CDC42BPA: variants seen among roughly 807,000 people sequenced by gnomAD.
CDC42BPA encodes the protein serine/threonine-protein kinase MRCK alpha.
CDC42BPA carries 80 observed loss-of-function variants against 223.5 expected under a neutral mutation model. The ratio of observed to expected loss-of-function variants is 0.36; its 90% CI spans 0.30 to 0.43. The LOEUF is 0.43. CDC42BPA is among the 20% of genes least tolerant of loss of function. CDC42BPA has a pLI of 1.00. For synonymous variants in CDC42BPA, 694 were observed against 718.6 expected (o/e 0.97, Z 0.55); for missense variants, 1,743 against 2,099.9 (o/e 0.83, Z 3.32).
chr1:227,162,933 T>G (rs867187804), intron 5 of CDC42BPA, among the ~76,000 whole-genome samples: 86 of 145,876 alleles, frequency 5.9e-4, no homozygotes, highest in Middle Eastern at 7.4e-3. Flanking sequence ...TCCAAACATA[T>G]GTGTGTGTTT....
chr1:227,298,475 G>A (rs79020375), intron 1 of CDC42BPA, among the ~76,000 whole-genome samples: 2,942 of 152,096 alleles, frequency 0.019, 37 homozygotes, highest in Middle Eastern at 0.041. Flanking sequence ...TAAAAACTCA[G>A]AAGAAAATTA....
chr1:227,127,592 AAC>A (rs2149493433), intron 11 of CDC42BPA, among the ~76,000 whole-genome samples: 2 of 152,300 alleles, frequency 1.3e-5, no homozygotes, highest in South Asian at 4.1e-4. Flanking sequence ...ATACAACTCT[AAC>A]ACAGACATTC....
intron 35 of CDC42BPA, 93 bp downstream of exon 35, chr1:227,004,901 G>C (rs572411777): frequency 1.1e-6 from 1 of 869,820 alleles, no homozygotes; most frequent in African/African-American, 1.6e-5. Flanking sequence ...ATGGGCACAC[G>C]TAAGTGAAGG....
At chr1:227,111,159 C>A (rs1415279507) in intron 14 of CDC42BPA, among the ~76,000 whole-genome samples, 2 of 152,116 alleles carry the variant, frequency 1.3e-5, no homozygotes, top group African/African-American at 4.8e-5. Flanking sequence ...GAGTATGATT[C>A]TTACATGTTA....
intron 3 of CDC42BPA, among the ~76,000 whole-genome samples, chr1:227,212,115 A>G (rs1674028790): frequency 6.6e-6 from 1 of 151,916 alleles, no homozygotes; most frequent in Non-Finnish European, 1.5e-5. Context: ...TAAAAAAAAA[A>G]ACTAAAAGCA....
intron 1 of CDC42BPA, among the ~76,000 whole-genome samples, chr1:227,277,465 T>G (rs1434589633): frequency 2.0e-5 from 3 of 152,210 alleles, no homozygotes; most frequent in African/African-American, 7.2e-5. Flanking sequence ...GACTACAGAC[T>G]AATCTCTCTG....
chr1:227,060,717 CTTTTTTTTTTTT>C (rs59728048), intron 21 of CDC42BPA, among the ~76,000 whole-genome samples: 1 of 95,452 alleles, frequency 1.0e-5, no homozygotes, highest in Non-Finnish European at 2.0e-5. Context: ...TAAATAGGTA[CTTTTTTTTTTTT>C]TTTTTTTTTT....
intron 17 of CDC42BPA, among the ~76,000 whole-genome samples, chr1:227,079,222 G>A (rs1353151989): frequency 6.6e-6 from 1 of 152,124 alleles, no homozygotes; most frequent in Non-Finnish European, 1.5e-5. Flanking sequence ...TTCATGCAAA[G>A]TGACTTCCTC....
intron 1 of CDC42BPA, among the ~76,000 whole-genome samples, chr1:227,299,043 GAA>G (rs1310635933): frequency 3.3e-5 from 5 of 152,146 alleles, no homozygotes; most frequent in African/African-American, 1.2e-4. Flanking sequence ...TTCTATGAAA[GAA>G]GAGTAAATTT....
Position 227,029,852 on chromosome 1 carries a change from G to A in CDC42BPA, c.3838+556C>T, listed in dbSNP as rs73089712. ...TGTTCCATCTTTAGAAATGCAATCTGGGCTGGGCGCAGTGGCTCATGCTTA... is the reference window on the plus strand; with the variant it reads ...TGTTCCATCTTTAGAAATGCAATCTAGGCTGGGCGCAGTGGCTCATGCTTA... On this transcript the variant is annotated intron_variant, in intron 29 of 36. Transcript: ENST00000366766. Among the ~76,000 whole-genome samples, 1,397 of 152,152 alleles carry A rather than the reference G, an allele frequency of 9.2e-3. 24 individuals are homozygous for A. The highest frequency in any genetic ancestry group is 0.032 in the African/African-American group (1,333 of 41,528).
At chr1:227,253,597 AAAAT>A (rs368265961) in intron 2 of CDC42BPA, among the ~76,000 whole-genome samples, 21,251 of 148,058 alleles carry the variant, frequency 0.14, 1,754 homozygotes, top group Middle Eastern at 0.21. Context: ...CTCCATCTCA[AAAAT>A]AAATAAATAC....
At chr1:227,100,955 T>G in intron 15 of CDC42BPA, 37 bp downstream of exon 15, 1 of 1,257,506 alleles carries the variant, frequency 8.0e-7, no homozygotes, top group South Asian at 1.4e-5. Flanking sequence ...AGGTACTCAG[T>G]AAGTATTTAC....
intron 2 of CDC42BPA, among the ~76,000 whole-genome samples, chr1:227,217,871 G>C (rs1254043436): frequency 6.6e-6 from 1 of 152,072 alleles, no homozygotes; most frequent in Non-Finnish European, 1.5e-5. Flanking sequence ...TTTACCCCTT[G>C]ACATTTTCTA....
At chr1:227,134,782 C>T (rs753824614) in intron 10 of CDC42BPA, among the ~76,000 whole-genome samples, 11 of 152,092 alleles carry the variant, frequency 7.2e-5, no homozygotes, top group Middle Eastern at 3.4e-3. Flanking sequence ...TCTGTGCAAA[C>T]GATACTACAC....
chr1:227,303,007 G>GTTTTT (rs201889285), intron 1 of CDC42BPA, among the ~76,000 whole-genome samples: 1 of 135,016 alleles, frequency 7.4e-6, no homozygotes, highest in African/African-American at 2.8e-5. Flanking sequence ...GTTTTTTTGG[G>GTTTTT]TTTTTTTTTT....
intron 1 of CDC42BPA, among the ~76,000 whole-genome samples, chr1:227,273,190 C>T (rs1291967646): frequency 2.6e-5 from 4 of 151,912 alleles, no homozygotes; most frequent in South Asian, 2.1e-4. Flanking sequence ...CTCAGCTACT[C>T]GGGAGGTTGA....
intron 1 of CDC42BPA, among the ~76,000 whole-genome samples, chr1:227,276,867 T>G (rs951931181): frequency 6.6e-6 from 1 of 152,118 alleles, no homozygotes; most frequent in Non-Finnish European, 1.5e-5. Flanking sequence ...AAACAGATGC[T>G]TGAAGGCAGC....
chr1:227,024,081 C>T (rs186964074), intron 31 of CDC42BPA, among the ~76,000 whole-genome samples: 2 of 152,122 alleles, frequency 1.3e-5, no homozygotes, highest in East Asian at 3.9e-4. Context: ...ATTTACATAT[C>T]CATTATTAGC....
intron 1 of CDC42BPA, among the ~76,000 whole-genome samples, chr1:227,284,905 T>G (rs1323916805): frequency 1.3e-5 from 2 of 151,144 alleles, no homozygotes; most frequent in African/African-American, 2.4e-5. Context: ...AAGGCTGCAG[T>G]TACCCAAGGT....
Sources: allele counts gnomAD v4.1 joint callset (sites outside exome capture counted in the v4.1 genomes callset), GRCh38; gene constraint gnomAD v4.1.1; transcripts MANE v1.5; gene names NCBI Gene and HGNC (gene_info 2026-07-23, HGNC 2026-07-21).